The following PLCB4 variants were observed in gnomAD, a reference collection of about 807,000 sequenced individuals.
The protein encoded by PLCB4 is 1-phosphatidylinositol 4,5-bisphosphate phosphodiesterase beta-4.
Under a neutral mutation model 178.8 loss-of-function variants are expected in PLCB4, and 77 were observed. The observed-to-expected ratio is 0.43, with a 90% CI of 0.36 to 0.52. PLCB4 has a LOEUF of 0.52. Among genes scored for constraint, PLCB4 ranks in the 20% least tolerant of loss-of-function variants. The pLI, the probability that PLCB4 is intolerant of heterozygous loss-of-function variation, is 0.00. For missense variants in PLCB4, 1,024 were observed against 1,453.4 expected (o/e 0.70, Z 4.80); for synonymous variants, 496 against 490.8 (o/e 1.01, Z -0.14).
At chr20:9,418,296 A>G (rs960671527) in intron 25 of PLCB4, among the ~76,000 whole-genome samples, 3 of 152,192 alleles carry the variant, frequency 2.0e-5, no homozygotes, top group Middle Eastern at 3.4e-3. Context: ...TCTTGCATTT[A>G]GTTATTTTAT....
intron 35 of PLCB4, among the ~76,000 whole-genome samples, chr20:9,466,644 G>A (rs545172358): frequency 6.6e-6 from 1 of 152,190 alleles, no homozygotes. Flanking sequence ...CTTCTCAAAA[G>A]GAGACATTTA....
At chr20:9,149,952 G>A (rs1181009356) in intron 2 of PLCB4, among the ~76,000 whole-genome samples, 1 of 152,172 alleles carries the variant, frequency 6.6e-6, no homozygotes, top group Non-Finnish European at 1.5e-5. Context: ...GAAGCAGGTT[G>A]GGCGCTTATT....
chr20:9,136,461 T>C (rs2092385518), intron 2 of PLCB4, among the ~76,000 whole-genome samples: 2 of 152,084 alleles, frequency 1.3e-5, no homozygotes, highest in African/African-American at 4.8e-5. Flanking sequence ...GGCAAGGAGC[T>C]GGGCTATTTA....
At chr20:9,214,434 A>G (rs1239936896) in intron 2 of PLCB4, among the ~76,000 whole-genome samples, 4 of 152,126 alleles carry the variant, frequency 2.6e-5, no homozygotes, top group Non-Finnish European at 5.9e-5. Context: ...TGTTGAATGA[A>G]ACAGCTTTTG....
At chr20:9,164,228 A>G (rs1235208058) in intron 2 of PLCB4, among the ~76,000 whole-genome samples, 14 of 152,328 alleles carry the variant, frequency 9.2e-5, no homozygotes. Context: ...GTCACATGGC[A>G]GGCCTTCAGT....
rs2093720417 is a variant in PLCB4, at chr20:9,215,504, T to C, written c.-78-1886T>C. Among the ~76,000 whole-genome samples, 3 of 152,328 alleles carry C rather than the reference T, an allele frequency of 2.0e-5. 1 individual carries two copies. On this transcript the variant is annotated intron_variant, in intron 2 of 39. Transcript: ENST00000378473. Reference sequence around the variant, plus strand: ...ATTCAATCCATGCTTAGAGCCAGCCTGCATCATAGTAAATAGTCACTAAAT... The same window carrying C: ...ATTCAATCCATGCTTAGAGCCAGCCCGCATCATAGTAAATAGTCACTAAAT...
At chr20:9,442,203 T>A (rs1341500127) in intron 30 of PLCB4, among the ~76,000 whole-genome samples, 1 of 152,196 alleles carries the variant, frequency 6.6e-6, no homozygotes, top group Admixed American at 6.5e-5. Flanking sequence ...ACTTAAAAGT[T>A]AAACCTTGAG....
rs745972220 is a variant in PLCB4, at chr20:9,419,910, G to A, written c.2154+1G>A. 1.9e-6 allele frequency: 3 copies of A among 1,583,878 alleles called. No homozygotes were observed. The highest frequency in any genetic ancestry group is 1.7e-6 in the Non-Finnish European group (2 of 1,152,400). ...TATTGCAGCCACTTGCTCAGTGCAG[G>A]TAAGGCCCCTGCTCATCACAAGGTA... On this transcript the variant is annotated splice_donor_variant, in intron 26 of 39. Transcript: ENST00000378473. LOFTEE classifies it high-confidence loss of function.
chr20:9,112,711 T>C (rs1410912852), intron 2 of PLCB4, among the ~76,000 whole-genome samples: 1 of 152,142 alleles, frequency 6.6e-6, no homozygotes, highest in Non-Finnish European at 1.5e-5. Flanking sequence ...TCATAGACTG[T>C]CCCTTTATGC....
chr20:9,143,887 C>T (rs2092544024), intron 2 of PLCB4, among the ~76,000 whole-genome samples: 1 of 152,024 alleles, frequency 6.6e-6, no homozygotes, highest in African/African-American at 2.4e-5. Context: ...GGGCTTCCTT[C>T]TGCAAAAGGG....
At chr20:9,091,248 A>G (rs546685387) in intron 1 of PLCB4, among the ~76,000 whole-genome samples, 1 of 152,008 alleles carries the variant, frequency 6.6e-6, no homozygotes, top group South Asian at 2.1e-4. Flanking sequence ...AGGTATGTAG[A>G]GCCTTTATAA....
intron 8 of PLCB4, among the ~76,000 whole-genome samples, chr20:9,363,350 A>T (rs2035512277): frequency 6.6e-6 from 1 of 152,082 alleles, no homozygotes; most frequent in Admixed American, 6.5e-5. Flanking sequence ...GCTGCATAAA[A>T]CTGAGAAATG....
chr20:9,422,305 A>G (rs146322562), intron 27 of PLCB4, among the ~76,000 whole-genome samples: 43 of 152,340 alleles, frequency 2.8e-4, no homozygotes, highest in African/African-American at 1.0e-3. Flanking sequence ...CAGAAACCAA[A>G]TGAAGGGAGA....
In PLCB4 at chr20:9,107,522, C is replaced by T. The variant is rs115250744; in HGVS notation, c.-79+11180C>T. On this transcript the variant is annotated intron_variant, in intron 2 of 39. Coordinates refer to ENST00000378473, the MANE Select transcript of PLCB4 (RefSeq NM_001377142.1). ...ACATGTCATCTGTGGGGGGCGACCT[C>T]CTCAGGCTTTTGGGGGTGGGAGGTA... Among the ~76,000 whole-genome samples, 676 of 152,216 alleles carry T rather than the reference C, an allele frequency of 4.4e-3. 6 individuals carry two copies. The highest frequency in any genetic ancestry group is 0.015 in the African/African-American group (637 of 41,524).
At chr20:9,412,768 A>G (rs1171804835) in intron 25 of PLCB4, among the ~76,000 whole-genome samples, 3 of 152,100 alleles carry the variant, frequency 2.0e-5, no homozygotes, top group Admixed American at 1.3e-4. Context: ...ATGTTTCCTC[A>G]TAGTAATTTT....
intron 4 of PLCB4, among the ~76,000 whole-genome samples, chr20:9,311,146 C>A (rs146953869): frequency 7.2e-5 from 11 of 152,338 alleles, no homozygotes; most frequent in Non-Finnish European, 1.5e-4. Context: ...ATAATATCCA[C>A]ATCAAAGATC....
At chr20:9,333,015 G>A (rs971249934) in intron 4 of PLCB4, among the ~76,000 whole-genome samples, 1 of 152,202 alleles carries the variant, frequency 6.6e-6, no homozygotes, top group African/African-American at 2.4e-5. Flanking sequence ...CAGTGCCCTT[G>A]TAATTGCACT....
At chr20:9,275,717 T>C (rs780705151) in intron 3 of PLCB4, among the ~76,000 whole-genome samples, 1 of 152,046 alleles carries the variant, frequency 6.6e-6, no homozygotes, top group African/African-American at 2.4e-5. Flanking sequence ...ACCAGCAGCA[T>C]TGAGATCACC....
intron 1 of PLCB4, among the ~76,000 whole-genome samples, chr20:9,086,573 A>G (rs2090432460): frequency 6.6e-6 from 1 of 152,174 alleles, no homozygotes; most frequent in Admixed American, 6.5e-5. Flanking sequence ...GTTCAGGGCC[A>G]CATAACTAGC....
Sources: gnomAD v4.1 joint callset for allele counts (sites outside exome capture counted in the v4.1 genomes callset) on GRCh38, gnomAD v4.1.1 for gene constraint, MANE v1.5 for transcripts, NCBI Gene and HGNC (gene_info 2026-07-23, HGNC 2026-07-21) for gene names.